The following TDRD9 variants were observed in gnomAD, a reference collection of about 807,000 sequenced individuals.
The protein encoded by TDRD9 is tudor domain containing 9.
TDRD9 carries 124 observed loss-of-function variants against 172.6 expected under a neutral mutation model. The observed-to-expected ratio is 0.72, with a 90% confidence interval of 0.62 to 0.83. The LOEUF (loss-of-function observed/expected upper bound fraction) is 0.83, where lower values mean the gene tolerates loss of function less well. Among genes scored for constraint, TDRD9 ranks in the 40% least tolerant of loss-of-function variants. The pLI, the probability that TDRD9 is intolerant of heterozygous loss-of-function variation, is 0.00. For missense variants in TDRD9, 1,479 were observed against 1,714.1 expected, an observed-to-expected ratio of 0.86 and a Z score of 2.42; for synonymous variants, 619 against 617.1, an observed-to-expected ratio of 1.00 and a Z score of -0.05.
chr14:103,993,689 TC>T (rs1333129106), intron 9 of TDRD9, among the ~76,000 whole-genome samples: 2 of 152,224 alleles, frequency 1.3e-5, no homozygotes, highest in African/African-American at 4.8e-5. Flanking sequence ...TTGTGCCTCT[TC>T]CCTTCTTGTA....
At chr14:103,992,287 A>G (rs2033897931) in intron 9 of TDRD9, among the ~76,000 whole-genome samples, 1 of 152,264 alleles carries the variant, frequency 6.6e-6, no homozygotes, top group Non-Finnish European at 1.5e-5. Flanking sequence ...TATATAGAGC[A>G]TAAACAGATT....
chr14:104,014,980 C>T (rs149749698), intron 21 of TDRD9, 139 bp downstream of exon 21: 21 of 465,500 alleles, frequency 4.5e-5, no homozygotes, highest in African/African-American at 1.2e-4. Context: ...GTTCATACTG[C>T]GTTTGGGAAC....
chr14:104,039,218 C>T lies in TDRD9; in HGVS notation c.3717-978C>T, dbSNP rs1020510134. Reference sequence around the variant, plus strand: ...TTTCATGAGAATTCACTCACCATCACGAGAACAGCATGAGGTTAACCACCC... The same window carrying T: ...TTTCATGAGAATTCACTCACCATCATGAGAACAGCATGAGGTTAACCACCC... On this transcript the variant is annotated intron_variant, in intron 32 of 35. Transcript: ENST00000409874. Among the ~76,000 whole-genome samples the T allele has an allele frequency of 5.3e-5, 8 of 152,176 alleles. No homozygotes were observed. The East Asian group carries it at 5.8e-4, about 11-fold the overall frequency.
intron 34 of TDRD9, among the ~76,000 whole-genome samples, chr14:104,048,316 G>A (rs1431325014): frequency 6.6e-6 from 1 of 152,172 alleles, no homozygotes; most frequent in Admixed American, 6.5e-5. Flanking sequence ...ATAGCTCACT[G>A]CAGCCTTGAA....
intron 9 of TDRD9, among the ~76,000 whole-genome samples, chr14:103,993,529 G>T (rs527680618): frequency 6.6e-6 from 1 of 152,260 alleles, no homozygotes; most frequent in East Asian, 1.9e-4. Context: ...TGTTTTGGAG[G>T]CTAGATGTTC....
intron 1 of TDRD9, among the ~76,000 whole-genome samples, chr14:103,930,929 T>TA (rs2082976172): frequency 6.6e-6 from 1 of 152,180 alleles, no homozygotes; most frequent in African/African-American, 2.4e-5. Context: ...GAGACTTTTA[T>TA]AAAATCAATA....
chr14:104,035,947 G>A (rs1187275787), intron 32 of TDRD9, among the ~76,000 whole-genome samples: 8 of 151,962 alleles, frequency 5.3e-5, no homozygotes, highest in East Asian at 1.9e-4. Flanking sequence ...CATTACACTT[G>A]TTCAGAATCT....
rs762378412 is a variant in TDRD9, at chr14:104,034,008, C to T, written c.3558C>T (p.Asp1186=). Residue 1186 remains aspartate, a synonymous_variant, in exon 31 of 36, where the codon GAC becomes GAT. Coordinates refer to ENST00000409874, the MANE Select transcript of TDRD9 (RefSeq NM_153046.3). ...GCATCAACTCTGTCATTATCAGTGA[C>T]GCCCCTGAAGACCTTCACCAGAGAA... ...KESINSVIIS[D]APEDLHQRML... The T allele has an allele frequency of 8.1e-5, 126 of 1,551,566 alleles. No individual in the cohort carries two copies. The highest frequency in any genetic ancestry group is 1.4e-4 in the Admixed American group (7 of 50,974).
intron 1 of TDRD9, among the ~76,000 whole-genome samples, chr14:103,932,171 T>C (rs892857377): frequency 1.3e-5 from 2 of 152,222 alleles, no homozygotes; most frequent in African/African-American, 4.8e-5. Context: ...TGTTTGAAAC[T>C]GCTATGTTTT....
chr14:104,044,762 C>A (rs2035716199), intron 34 of TDRD9, among the ~76,000 whole-genome samples: 6 of 152,158 alleles, frequency 3.9e-5, no homozygotes, highest in Admixed American at 3.9e-4. Context: ...CACATACAGT[C>A]TTTTTGTGAA....
chr14:104,025,661 T>C lies in TDRD9; in HGVS notation c.2816T>C (p.Val939Ala), dbSNP rs1224189097. 6.2e-7 allele frequency: 1 copy of C among 1,614,042 alleles called. No homozygotes were observed. The highest frequency in any genetic ancestry group is 1.1e-5 in the South Asian group (1 of 91,090). ...LTAEINQLTL[V>A]PLPTHPHPDL... ...GCTGAAATCAACCAACTGACGCTGG[T>C]GCCCTTGCCCACTCACCCACATCCA... Residue 939 changes from valine to alanine, a missense_variant, in exon 26 of 36, where the codon GTG becomes GCG. Coordinates refer to ENST00000409874, the MANE Select transcript of TDRD9 (RefSeq NM_153046.3).
intron 20 of TDRD9, among the ~76,000 whole-genome samples, chr14:104,010,255 T>A (rs1341764482): frequency 1.5e-5 from 2 of 133,640 alleles, no homozygotes; most frequent in Non-Finnish European, 3.3e-5. Context: ...TAATTTTTTT[T>A]ATTCTTTTAT....
chr14:103,938,382 ATGTG>A (rs71126086), intron 1 of TDRD9, among the ~76,000 whole-genome samples: 615 of 38,540 alleles, frequency 0.016, 27 homozygotes, highest in African/African-American at 0.044. Context: ...TGCCCCATAT[ATGTG>A]TGTGTGTGTG....
chr14:103,941,495 G>A, intron 1 of TDRD9: 2 of 1,535,172 alleles, frequency 1.3e-6, no homozygotes, highest in Non-Finnish European at 1.7e-6. Context: ...GGGGATTCTG[G>A]TAGTTTCTGA....
chr14:104,029,868 G>C (rs1158853187), intron 28 of TDRD9, among the ~76,000 whole-genome samples: 2 of 152,066 alleles, frequency 1.3e-5, no homozygotes, highest in Non-Finnish European at 2.9e-5. Context: ...AATTTGCTGA[G>C]AATTTTTTTA....
rs111717475 is a variant in TDRD9, at chr14:103,992,476, A to G, written c.1180+1252A>G. 3.0e-3 allele frequency among the ~76,000 whole-genome samples: 462 copies of G among 152,302 alleles called. 4 individuals carry two copies. Among genetic ancestry groups the G allele is most frequent in the African/African-American group, 0.011 (444 of 41,560 alleles). The stretch of plus-strand genomic sequence containing the variant: ...TGGTGTTGCATGTGCCTTGGTGAAT[A>G]TTTATCAGATGACTTCTGTGTGCAT... On this transcript the variant is annotated intron_variant, in intron 9 of 35. Coordinates refer to ENST00000409874, the MANE Select transcript of TDRD9 (RefSeq NM_153046.3).
intron 34 of TDRD9, among the ~76,000 whole-genome samples, chr14:104,043,472 G>A (rs1410765579): frequency 2.6e-5 from 4 of 152,062 alleles, no homozygotes; most frequent in Admixed American, 6.5e-5. Flanking sequence ...GACCTCAGGC[G>A]ATCCACCCGC....
At chr14:103,929,702 T>A (rs2030242199) in intron 1 of TDRD9, among the ~76,000 whole-genome samples, 1 of 152,170 alleles carries the variant, frequency 6.6e-6, no homozygotes, top group African/African-American at 2.4e-5. Flanking sequence ...GTATTTTTAA[T>A]AGAGACAGGG....
intron 29 of TDRD9, 53 bp from the exon 30 acceptor site, chr14:104,031,964 T>C (rs2035295329): frequency 3.3e-6 from 4 of 1,226,612 alleles, no homozygotes; most frequent in East Asian, 5.2e-5. Context: ...TAAAAATTCA[T>C]GTTAAGTGTT....
Sources: gnomAD v4.1 joint callset for allele counts (sites outside exome capture counted in the v4.1 genomes callset) on GRCh38, gnomAD v4.1.1 for gene constraint, MANE v1.5 for transcripts, NCBI Gene and HGNC (gene_info 2026-07-23, HGNC 2026-07-21) for gene names.